The following NTRK3 variants were observed in gnomAD, a reference collection of about 807,000 sequenced individuals.
The protein encoded by NTRK3 is neurotrophic receptor tyrosine kinase 3.
NTRK3 carries 24 observed loss-of-function variants against 91.7 expected under a neutral mutation model. That is an observed-to-expected ratio of 0.26 (90% confidence interval 0.19 to 0.37). NTRK3 has a LOEUF of 0.37. Ranked by LOEUF, NTRK3 falls within the 10% of genes least tolerant of loss-of-function variation. The probability of loss-of-function intolerance (pLI) is 1.00; values close to 1 mark genes in which losing one functional copy is unlikely to be tolerated. For missense variants in NTRK3, 880 were observed against 1,068.9 expected (o/e 0.82, Z 2.46); for synonymous variants, 483 against 404.0 (o/e 1.20, Z -2.34).
chr15:88,222,522 T>C (rs2050319961), intron 3 of NTRK3, among the ~76,000 whole-genome samples: 1 of 152,248 alleles, frequency 6.6e-6, no homozygotes, highest in Non-Finnish European at 1.5e-5. Context: ...TTTCAGTTTA[T>C]GGAGCACATT....
chr15:87,970,542 C>A (rs1310207900), intron 14 of NTRK3, among the ~76,000 whole-genome samples: 1 of 152,128 alleles, frequency 6.6e-6, no homozygotes, highest in Non-Finnish European at 1.5e-5. Flanking sequence ...TGTGCTGAGT[C>A]TATTAATAGA....
intron 14 of NTRK3, among the ~76,000 whole-genome samples, chr15:87,957,544 T>C (rs943264352): frequency 2.0e-5 from 3 of 152,210 alleles, no homozygotes; most frequent in Non-Finnish European, 4.4e-5. Flanking sequence ...CATAAGATCC[T>C]ATATGGAAAT....
chr15:87,882,229 C>A (rs1225426845), intron 17 of NTRK3, among the ~76,000 whole-genome samples: 1 of 152,104 alleles, frequency 6.6e-6, no homozygotes, highest in Non-Finnish European at 1.5e-5. Flanking sequence ...ACTTTCTAAT[C>A]AGGATAGTTT....
chr15:88,070,961 G>A (rs1042772317), intron 13 of NTRK3, among the ~76,000 whole-genome samples: 1 of 152,158 alleles, frequency 6.6e-6, no homozygotes, highest in Non-Finnish European at 1.5e-5. Context: ...ATAAATAAAG[G>A]CTATTAGGAA....
intron 3 of NTRK3, among the ~76,000 whole-genome samples, chr15:88,209,072 G>T (rs981969723): frequency 2.6e-5 from 4 of 152,160 alleles, no homozygotes; most frequent in Admixed American, 6.5e-5. Context: ...CTACTATTAG[G>T]CATAAGTTCT....
intron 14 of NTRK3, among the ~76,000 whole-genome samples, chr15:87,973,482 G>A (rs1199612979): frequency 6.6e-6 from 1 of 152,192 alleles, no homozygotes; most frequent in East Asian, 1.9e-4. Context: ...TTTAGCTCTG[G>A]AAATATACTG....
intron 16 of NTRK3, among the ~76,000 whole-genome samples, chr15:87,930,101 G>T (rs1191156508): frequency 3.0e-4 from 45 of 152,150 alleles, no homozygotes; most frequent in Admixed American, 2.9e-3. Context: ...TCCACGCTCA[G>T]TGGCCCTGGG....
intron 3 of NTRK3, among the ~76,000 whole-genome samples, chr15:88,191,882 G>A (rs940701466): frequency 2.6e-5 from 4 of 152,208 alleles, no homozygotes; most frequent in East Asian, 3.9e-4. Context: ...GCTGTTGTGG[G>A]GGACAGTGTG....
chr15:87,873,691 A>C (rs2064881926), exon 19 of NTRK3: 1 of 232,042 alleles, frequency 4.3e-6, no homozygotes, highest in Non-Finnish European at 8.5e-6. Flanking sequence ...ACATTTCATC[A>C]CATTAGGCTC....
chr15:87,964,868 TC>T (rs2072645849), intron 14 of NTRK3, among the ~76,000 whole-genome samples: 1 of 152,234 alleles, frequency 6.6e-6, no homozygotes, highest in African/African-American at 2.4e-5. Flanking sequence ...CACCACATTT[TC>T]TTTCTCCATT....
At chr15:87,986,960 G>C (rs1247775177) in intron 14 of NTRK3, among the ~76,000 whole-genome samples, 1 of 152,230 alleles carries the variant, frequency 6.6e-6, no homozygotes, top group Non-Finnish European at 1.5e-5. Context: ...ATAGGCAAGA[G>C]CCAGATTTGG....
At chr15:88,176,131 CCCT>C (rs1173563283) in intron 5 of NTRK3, among the ~76,000 whole-genome samples, 1 of 135,426 alleles carries the variant, frequency 7.4e-6, no homozygotes, top group Non-Finnish European at 1.5e-5. Context: ...GCCTATATGC[CCCT>C]TCTTTTTTTT....
chr15:87,908,442 A>T (rs1450564598), intron 17 of NTRK3: 1 of 399,618 alleles, frequency 2.5e-6, no homozygotes, highest in East Asian at 3.6e-5. Context: ...CTGTGTGTGG[A>T]CTGCCCTGCC....
chr15:88,222,440 C>G (rs143021617), intron 3 of NTRK3, among the ~76,000 whole-genome samples: 1 of 152,306 alleles, frequency 6.6e-6, no homozygotes, highest in East Asian at 1.9e-4. Context: ...CGTTCCTAAC[C>G]CTGAAGCTGC....
chr15:88,174,200 C>A (rs1024090137), intron 5 of NTRK3, among the ~76,000 whole-genome samples: 4 of 152,154 alleles, frequency 2.6e-5, no homozygotes, highest in Non-Finnish European at 4.4e-5. Context: ...AAGAATTTCC[C>A]AAAATGCTAT....
intron 3 of NTRK3, among the ~76,000 whole-genome samples, chr15:88,254,817 A>G (rs1463337345): frequency 1.3e-5 from 2 of 152,050 alleles, no homozygotes; most frequent in African/African-American, 2.4e-5. Flanking sequence ...GCCTTGGGGG[A>G]AAAGAGGTGA....
intron 18 of NTRK3, among the ~76,000 whole-genome samples, chr15:87,877,677 G>C (rs2065014941): frequency 6.6e-6 from 1 of 152,058 alleles, no homozygotes; most frequent in African/African-American, 2.4e-5. Context: ...TTTGCAGCAA[G>C]ACCCATCCTT....
At chr15:87,929,148 C>T (rs376470303) in intron 17 of NTRK3, 43 bp downstream of exon 17, 3 of 1,614,056 alleles carry the variant, frequency 1.9e-6, no homozygotes, top group Non-Finnish European at 2.5e-6. Context: ...AAGCAAGGCG[C>T]TAGCTCTGTG....
At chr15:88,170,455 T>C (rs548937975) in intron 5 of NTRK3, among the ~76,000 whole-genome samples, 34 of 152,370 alleles carry the variant, frequency 2.2e-4, no homozygotes, top group African/African-American at 8.2e-4. Context: ...CACAGCACCC[T>C]GTTGGGTACT....
Sources: allele counts gnomAD v4.1 joint callset (sites outside exome capture counted in the v4.1 genomes callset), GRCh38; gene constraint gnomAD v4.1.1; transcripts MANE v1.5; gene names NCBI Gene and HGNC (gene_info 2026-07-23, HGNC 2026-07-21).